CHRD: variants seen among roughly 807,000 people sequenced by gnomAD.
CHRD encodes chordin.
Under a neutral mutation model 113.7 loss-of-function variants are expected in CHRD, and 69 were observed. The observed-to-expected ratio is 0.61, with a 90% CI of 0.50 to 0.74. The LOEUF (loss-of-function observed/expected upper bound fraction) is 0.74. CHRD is among the 30% of genes least tolerant of loss of function. The pLI, the probability that CHRD is intolerant of heterozygous loss-of-function variation, is 0.00. For missense variants in CHRD, 1,194 were observed against 1,295.8 expected (o/e 0.92, Z 1.21); for synonymous variants, 561 against 540.8 (o/e 1.04, Z -0.52).
chr3:184,382,728 G>A (rs142141601), exon 8 of CHRD: 1 of 1,613,990 alleles, frequency 6.2e-7, no homozygotes, highest in Non-Finnish European at 8.5e-7. Context: ...AGGACTCCTT[G>A]CATTTTTTGC....
In CHRD at chr3:184,381,889, C is replaced by A. The variant is rs1395640258; in HGVS notation, c.612-44C>A. On this transcript the variant is annotated intron_variant, in intron 5 of 22. Transcript: ENST00000204604. The surrounding 1 kb of genome is among the most constrained non-coding windows in gnomAD (Gnocchi z 4.7). ...GGGAAACTGGGAGAGCTGGGAGGGG[C>A]TGCTTTTGGCTCAGTCCGGCCTCAC... 1.9e-6 allele frequency: 3 copies of A among 1,612,546 alleles called. No homozygotes were observed. In the Admixed American group the frequency reaches 5.0e-5, roughly 27 times the overall value.
rs1024839113 is a variant in CHRD at position 184,381,763 on chromosome 3, G to C, written c.559G>C (p.Ala187Pro). The C allele has an allele frequency of 6.2e-7, 1 of 1,613,228 alleles. No individual in the cohort carries two copies. Among genetic ancestry groups the C allele is most frequent in the Non-Finnish European group, 8.5e-7 (1 of 1,179,984 alleles). ...GCCGAGGTCGCAGGCGGTGGCACGA[G>C]CCCGAGTCTCGCTGCTGCGCTCTAG... The change falls in exon 5 of 23, where the codon GCC (alanine) becomes CCC (proline). Residue 187 changes from alanine (A) to proline (P), a missense_variant. Transcript: ENST00000204604. The surrounding 1 kb of genome is among the most constrained non-coding windows in gnomAD (Gnocchi z 4.7).
Position 184,383,170 on chromosome 3 carries a change from C to CAG in CHRD, c.1213+7_1213+8insAG. 7.2e-7 allele frequency: 1 copy of CAG among 1,388,414 alleles called. No homozygotes were observed. 86.0% of individuals were successfully genotyped at this position (1,388,414 alleles called of 1,614,324 possible). ...GCCAGGAAGAGCTGCGACGGTGAGG[C>CAG]GGGGGGGGGGCCTGGTGCGCCGGGC... is the stretch of plus-strand genomic sequence containing the variant. On this transcript the variant is annotated splice_region_variant and intron_variant, in intron 10 of 22. Coordinates refer to ENST00000204604, the Ensembl canonical transcript of CHRD.
chr3:184,383,176 G>GA lies in CHRD; in HGVS notation c.1213+13_1213+14insA. ...AAGAGCTGCGACGGTGAGGCGGGGG[G>GA]GGGGCCTGGTGCGCCGGGCATGCAC... On this transcript the variant is annotated intron_variant, in intron 10 of 22. Transcript: ENST00000204604. The GA allele has an allele frequency of 6.3e-7, 1 of 1,595,398 alleles. No individual in the cohort carries two copies.
chr3:184,380,481 G>A lies in CHRD; in HGVS notation c.148+15G>A. 1.7e-6 allele frequency: 2 copies of A among 1,170,600 alleles called. No homozygotes were observed. Among genetic ancestry groups the A allele is most frequent in the Non-Finnish European group, 2.1e-6 (2 of 946,042 alleles). The allele number at this position is 1,170,600 out of a possible 1,614,324, so 72.5% of individuals were successfully genotyped here. A position where few individuals can be genotyped will look rare whatever the true frequency, so the allele number is the denominator to read the frequency against. ...GGGAGCGGCAGGTAGGTGGGCGCCC[G>A]GGGGAGGCGCGGGCGGGGAGTCGGG... On this transcript the variant is annotated intron_variant, in intron 1 of 22. Transcript: ENST00000204604. The surrounding 1 kb of genome is among the most constrained non-coding windows in gnomAD (Gnocchi z 6.3).
At chr3:184,386,413 T>C (rs1716286594) in intron 15 of CHRD, 79 bp from the exon 16 acceptor site, 1 of 1,512,820 alleles carries the variant, frequency 6.6e-7, no homozygotes, top group Non-Finnish European at 8.8e-7. Context: ...CCGAGGTGTC[T>C]CCTGCTGGCT....
At chr3:184,390,182 C>A (rs1348424036), downstream of CHRD, 1 of 141,954 alleles carries the variant, frequency 7.0e-6, no homozygotes, top group Non-Finnish European at 1.5e-5. Flanking sequence ...CCCTTCCCTT[C>A]CCTTTCTTTC....
At position 184,388,901 on chromosome 3, in the gene CHRD, G is replaced by A. The variant is rs1716792576; in HGVS notation, c.2718G>A (p.Val906=). Residue 906 remains valine (V), a synonymous_variant, in exon 22 of 23, where the codon GTG becomes GTA. Transcript: ENST00000204604. The surrounding 1 kb of genome is among the most constrained non-coding windows in gnomAD (Gnocchi z 6.1). ...GCTCTGTCTTGTACCAGGCAGGGGTGCCTCACTGTGAGCGGGATGACTGTT... is the reference window on the plus strand; with the variant it reads ...GCTCTGTCTTGTACCAGGCAGGGGTACCTCACTGTGAGCGGGATGACTGTT... 6.2e-7 allele frequency: 1 copy of A among 1,612,982 alleles called. No homozygotes were observed. The highest frequency in any genetic ancestry group is 1.3e-5 in the African/African-American group (1 of 74,934).
In CHRD at chr3:184,381,000, T is replaced by C; in HGVS notation, c.252+205T>C. 5.4e-6 allele frequency: 4 copies of C among 733,990 alleles called. No individual in the cohort carries two copies. Among genetic ancestry groups the C allele is most frequent in the African/African-American group, 1.7e-5 (1 of 57,950 alleles). 45.5% of individuals were successfully genotyped at this position (733,990 alleles called of 1,614,324 possible). A position where few individuals can be genotyped will look rare whatever the true frequency, so the allele number is the denominator to read the frequency against. On this transcript the variant is annotated intron_variant, in intron 2 of 22. Transcript: ENST00000204604. This position sits in a 1 kb window ranked among gnomAD's most constrained non-coding sequence, Gnocchi z 6.3. The stretch of plus-strand genomic sequence containing the variant: ...ACTCTGTGTGAGGCTCTGTGCCAAC[T>C]CCGTTTCGTTCCCTGCTCATCTAAC...
chr3:184,382,430 G>T (rs1305155996), exon 7 of CHRD: 1 of 1,614,118 alleles, frequency 6.2e-7, no homozygotes, highest in East Asian at 2.2e-5. Flanking sequence ...TGTCTCTGCG[G>T]CTCCTTAGGG....
rs751598690 is a variant in CHRD at position 184,384,977 on chromosome 3, G to A, written c.1598-41G>A. 2.5e-6 allele frequency: 4 copies of A among 1,596,434 alleles called. No homozygotes were observed. In the Admixed American group the frequency reaches 5.0e-5, roughly 20 times the overall value. On this transcript the variant is annotated intron_variant, in intron 13 of 22. Coordinates refer to ENST00000204604, the Ensembl canonical transcript of CHRD. The surrounding 1 kb of genome is among the most constrained non-coding windows in gnomAD (Gnocchi z 4.4). ...TGCTGGGTTTGAGGGCTTGCCCTAGGCCACCTTCTCACCTGTCATCTCTCC... is the reference window on the plus strand; with the variant it reads ...TGCTGGGTTTGAGGGCTTGCCCTAGACCACCTTCTCACCTGTCATCTCTCC...
rs776406653 is a variant in CHRD, at chr3:184,383,174, G to C, written c.1213+11G>C. On this transcript the variant is annotated intron_variant, in intron 10 of 22. Transcript: ENST00000204604. Reference sequence around the variant, plus strand: ...GGAAGAGCTGCGACGGTGAGGCGGGGGGGGGGCCTGGTGCGCCGGGCATGC... The same window carrying C: ...GGAAGAGCTGCGACGGTGAGGCGGGCGGGGGGCCTGGTGCGCCGGGCATGC... The C allele has an allele frequency of 1.7e-6, 2 of 1,197,132 alleles. No individual in the cohort carries two copies. Among genetic ancestry groups the C allele is most frequent in the Non-Finnish European group, 2.3e-6 (2 of 857,032 alleles). 74.2% of individuals were successfully genotyped at this position (1,197,132 alleles called of 1,614,324 possible). A position where few individuals can be genotyped will look rare whatever the true frequency, so the allele number is the denominator to read the frequency against.
Position 184,380,678 on chromosome 3 carries a change from GC to G in CHRD, c.149-11del. 2 of 1,570,418 alleles carry G rather than the reference GC, an allele frequency of 1.3e-6. No homozygotes were observed. Among genetic ancestry groups the G allele is most frequent in the Admixed American group, 1.8e-5 (1 of 55,826 alleles). Reference sequence around the variant, plus strand: ...GAGCTGGGCAGCGGCCTCCAGCCAAGCCCGTCCCCGCAGGCTGCACCTTCGG... The same window carrying G: ...GAGCTGGGCAGCGGCCTCCAGCCAAGCCGTCCCCGCAGGCTGCACCTTCGG... On this transcript the variant is annotated splice_polypyrimidine_tract_variant and intron_variant, in intron 1 of 22. Coordinates refer to ENST00000204604, the Ensembl canonical transcript of CHRD. The surrounding 1 kb of genome is among the most constrained non-coding windows in gnomAD (Gnocchi z 6.3).
At position 184,380,332 on chromosome 3, in the gene CHRD, C is replaced by T. The variant is rs1412304749; in HGVS notation, c.14C>T (p.Pro5Leu). 1 of 1,339,670 alleles carries T rather than the reference C, an allele frequency of 7.5e-7. No homozygotes were observed. The allele number at this position is 1,339,670 out of a possible 1,614,324, so 83.0% of individuals were successfully genotyped here. A position where few individuals can be genotyped will look rare whatever the true frequency, so the allele number is the denominator to read the frequency against. The change falls in exon 1 of 23, where the codon CCG (proline) becomes CTG (leucine). Residue 5 changes from proline to leucine, a missense_variant. Transcript: ENST00000204604. This position sits in a 1 kb window ranked among gnomAD's most constrained non-coding sequence, Gnocchi z 6.3. The stretch of plus-strand genomic sequence containing the variant: ...CCCGTTCGCGTCATGCCGAGCCTCC[C>T]GGCCCCGCCGGCCCCGCTGCTGCTC...
chr3:184,380,863 G>A lies in CHRD; in HGVS notation c.252+68G>A, dbSNP rs1027834704. ...AGCGCCGGGTCGCGCGGGCGTCGGA[G>A]TGGACTCGGAGCTGCTGAGAAGGAG... On this transcript the variant is annotated intron_variant, in intron 2 of 22. Coordinates refer to ENST00000204604, the Ensembl canonical transcript of CHRD. This position sits in a 1 kb window ranked among gnomAD's most constrained non-coding sequence, Gnocchi z 6.3. The A allele has an allele frequency of 8.2e-7, 1 of 1,218,616 alleles. No individual in the cohort carries two copies. Among genetic ancestry groups the A allele is most frequent in the Non-Finnish European group, 1.1e-6 (1 of 878,318 alleles). The allele number at this position is 1,218,616 out of a possible 1,614,324, so 75.5% of individuals were successfully genotyped here. A position where few individuals can be genotyped will look rare whatever the true frequency, so the allele number is the denominator to read the frequency against.
intron 12 of CHRD, 87 bp downstream of exon 12, chr3:184,383,729 A>G: frequency 7.6e-7 from 1 of 1,321,758 alleles, no homozygotes; most frequent in Non-Finnish European, 1.0e-6. Flanking sequence ...GTTCATTATC[A>G]TCCACTCACT....
exon 8 of CHRD, chr3:184,382,764 C>G (rs532416342): frequency 2.5e-6 from 4 of 1,613,862 alleles, no homozygotes; most frequent in Non-Finnish European, 3.4e-6. Flanking sequence ...TGCTGGAACC[C>G]AGGAGTGGGG....
chr3:184,388,104 G>C lies in CHRD; in HGVS notation c.2554+71G>C. The C allele has an allele frequency of 1.5e-6, 2 of 1,340,624 alleles. No individual in the cohort carries two copies. The highest frequency in any genetic ancestry group is 2.5e-5 in the South Asian group (2 of 81,396). The allele number at this position is 1,340,624 out of a possible 1,614,324, so 83.0% of individuals were successfully genotyped here. On this transcript the variant is annotated intron_variant, in intron 20 of 22. Transcript: ENST00000204604. The surrounding 1 kb of genome is among the most constrained non-coding windows in gnomAD (Gnocchi z 6.1). ...CAGGCTTTGTCCTGGGTGAGGGGAA[G>C]GGTGCTCAGTTAATTGAGCATTATA... is the stretch of plus-strand genomic sequence containing the variant.
chr3:184,389,313 G>A, intron 22 of CHRD, 54 bp from the exon 23 acceptor site: 2 of 1,560,496 alleles, frequency 1.3e-6, no homozygotes. Flanking sequence ...ATGCCTCTCT[G>A]TGCCTCTCCA....
Sources: gnomAD v4.1 joint callset for allele counts on GRCh38, gnomAD v4.1.1 for gene constraint, Gnocchi (gnomAD v3.1) non-coding constraint, MANE v1.5 for transcripts, NCBI Gene and HGNC (gene_info 2026-07-23, HGNC 2026-07-21) for gene names.